The following FBN3 variants were observed in gnomAD, a reference collection of about 807,000 sequenced individuals.
FBN3 encodes fibrillin 3, also known as fibrillin-3.
Under a neutral mutation model 330.1 loss-of-function variants are expected in FBN3, and 234 were observed. That is an observed-to-expected ratio of 0.71 (90% confidence interval 0.64 to 0.79). The LOEUF is 0.79. Among genes scored for constraint, FBN3 ranks in the 30% least tolerant of loss-of-function variants. The probability of loss-of-function intolerance (pLI) is 0.00; values close to 1 mark genes in which losing one functional copy is unlikely to be tolerated. For missense variants in FBN3, 3,606 were observed against 3,886.9 expected (o/e 0.93, Z 1.92); for synonymous variants, 1,458 against 1,517.3 (o/e 0.96, Z 0.91).
intron 18 of FBN3, among the ~76,000 whole-genome samples, chr19:8,127,722 G>A (rs1274171275): frequency 6.6e-6 from 1 of 152,226 alleles, no homozygotes; most frequent in Admixed American, 6.5e-5. Context: ...TGTGGCTTAC[G>A]CCTGTCATCC....
At chr19:8,071,981 T>G in intron 63 of FBN3, 67 bp downstream of exon 63, 1 of 1,493,886 alleles carries the variant, frequency 6.7e-7, no homozygotes, top group Non-Finnish European at 9.0e-7. Flanking sequence ...CTAAGTCGGG[T>G]CCACAGCCTC....
chr19:8,111,677 C>A lies in FBN3; in HGVS notation c.4055G>T (p.Gly1352Val), dbSNP rs2082588122. ...GCAGAAGAAGCCATCCCCGGCAAAG[C>A]CCTGGCGGCAGGTGCAGCGGTAGGA... ...PGSYRCTCRQ[G>V]FAGDGFFCED... Residue 1352 changes from glycine (G) to valine (V), a missense_variant, in exon 32 of 64, where the codon GGC becomes GTC. Transcript: ENST00000600128. 6.2e-7 allele frequency: 1 copy of A among 1,609,726 alleles called. No individual in the cohort carries two copies. Among genetic ancestry groups the A allele is most frequent in the South Asian group, 1.1e-5 (1 of 90,972 alleles).
intron 25 of FBN3, 87 bp from the exon 26 acceptor site, chr19:8,119,109 C>T (rs1026137092): frequency 2.1e-6 from 3 of 1,448,602 alleles, no homozygotes; most frequent in African/African-American, 2.8e-5. Context: ...TTCTCTCCGC[C>T]ACCTCCCCAG....
Position 8,142,132 on chromosome 19 carries a change from G to A in FBN3, c.547C>T (p.Arg183Trp), listed in dbSNP as rs140381246. The change falls in exon 7 of 64, where the codon CGG becomes TGG. Residue 183 changes from arginine (R) to tryptophan (W), a missense_variant. Transcript: ENST00000600128. ...ACTTGGCCAAAGCAGGGTCCCGTCC[G>A]GTAATCTGCAGGGCAGACAGATGTG... Reference protein sequence around the residue: ...FMGPQCERDYRTGPCFGQVGP... With the variant: ...FMGPQCERDYWTGPCFGQVGP... The A allele has an allele frequency of 5.7e-5, 92 of 1,606,748 alleles. 1 individual carries two copies. Among genetic ancestry groups the A allele is most frequent in the African/African-American group, 2.4e-4 (18 of 74,944 alleles).
chr19:8,077,149 G>C (rs1332645504), intron 59 of FBN3, among the ~76,000 whole-genome samples: 1 of 152,224 alleles, frequency 6.6e-6, no homozygotes, highest in Non-Finnish European at 1.5e-5. Flanking sequence ...AAAATGGCCA[G>C]GTTGCTACGA....
Position 8,096,208 on chromosome 19 carries a change from C to A in FBN3, c.5540-128G>T, listed in dbSNP as rs1195505110. On this transcript the variant is annotated intron_variant, in intron 44 of 63. Coordinates refer to ENST00000600128, the MANE Select transcript of FBN3 (RefSeq NM_032447.5). This position sits in a 1 kb window ranked among gnomAD's most constrained non-coding sequence, Gnocchi z 4.6. Reference sequence around the variant, plus strand: ...CCCTGCCTAGATGACTGGGCAGTGACCCCTGGCGGTGATGGCTGGGAAGTA... The same window carrying A: ...CCCTGCCTAGATGACTGGGCAGTGAACCCTGGCGGTGATGGCTGGGAAGTA... The A allele has an allele frequency of 3.4e-6, 3 of 880,402 alleles. No homozygotes were observed. Among genetic ancestry groups the A allele is most frequent in the South Asian group, 1.4e-5 (1 of 69,072 alleles). 54.5% of individuals were successfully genotyped at this position (880,402 alleles called of 1,614,324 possible).
intron 60 of FBN3, 45 bp downstream of exon 60, chr19:8,075,238 A>G (rs766891455): frequency 1.3e-6 from 2 of 1,584,368 alleles, no homozygotes; most frequent in South Asian, 1.1e-5. Flanking sequence ...GGCTCTCAGG[A>G]CCAACACCCC....
intron 59 of FBN3, among the ~76,000 whole-genome samples, chr19:8,078,514 C>T (rs186889244): frequency 1.3e-4 from 20 of 152,066 alleles, no homozygotes; most frequent in Non-Finnish European, 2.5e-4. Context: ...CCTTGCTCCA[C>T]GGATGTTACC....
chr19:8,104,210 A>AT (rs1207301119), intron 38 of FBN3, among the ~76,000 whole-genome samples: 1 of 151,052 alleles, frequency 6.6e-6, no homozygotes, highest in African/African-American at 2.4e-5. Flanking sequence ...GCAGTGGCTC[A>AT]TGCCTATCAT....
chr19:8,110,726 A>C, intron 34 of FBN3, 119 bp downstream of exon 34: 1 of 1,348,162 alleles, frequency 7.4e-7, no homozygotes, highest in South Asian at 1.3e-5. Flanking sequence ...CCCACCCCCC[A>C]GCAAGACTGC....
intron 40 of FBN3, among the ~76,000 whole-genome samples, chr19:8,102,250 T>C (rs2082343639): frequency 6.6e-6 from 1 of 151,864 alleles, no homozygotes; most frequent in Admixed American, 6.6e-5. Flanking sequence ...AGTCTTGCTC[T>C]GTCACCCAGG....
At chr19:8,106,077 C>A (rs2082430939) in intron 38 of FBN3, 31 bp downstream of exon 38, 1 of 1,612,864 alleles carries the variant, frequency 6.2e-7, no homozygotes, top group African/African-American at 1.3e-5. Context: ...GCGGAAGAGC[C>A]TGACCCACCC....
At position 8,084,139 on chromosome 19, in the gene FBN3, C is replaced by A. The variant is rs145387086; in HGVS notation, c.7088-767G>T. Among the ~76,000 whole-genome samples the A allele has an allele frequency of 2.0e-5, 3 of 152,044 alleles. 1 individual carries two copies. Among genetic ancestry groups the A allele is most frequent in the Non-Finnish European group, 4.4e-5 (3 of 67,976 alleles). The stretch of plus-strand genomic sequence containing the variant: ...ATGCCACTGCTGGTCACATGGATAA[C>A]CCATCTCACTATCAGTGACACACTC... On this transcript the variant is annotated intron_variant, in intron 56 of 63. Transcript: ENST00000600128.
chr19:8,136,619 C>A (rs2083287841), intron 10 of FBN3, 88 bp from the exon 11 acceptor site: 1 of 1,551,812 alleles, frequency 6.4e-7, no homozygotes, highest in Non-Finnish European at 8.8e-7. Context: ...GGCCCAGATA[C>A]CCCCTCTAAG....
intron 60 of FBN3, 36 bp downstream of exon 60, chr19:8,075,247 C>A: frequency 2.5e-6 from 4 of 1,592,318 alleles, no homozygotes; most frequent in Non-Finnish European, 2.6e-6. Context: ...GACCAACACC[C>A]CCAAACACTA....
chr19:8,121,382 G>C lies in FBN3; in HGVS notation c.3087C>G (p.Ile1029Met). The C allele has an allele frequency of 6.3e-7, 1 of 1,587,878 alleles. No individual in the cohort carries two copies. Among genetic ancestry groups the C allele is most frequent in the Non-Finnish European group, 8.5e-7 (1 of 1,170,700 alleles). Reference sequence around the variant, plus strand: ...GGTCAGGAGAGATGCGACACTCGTCGATATCTGTGGGGAGAGGGGGCAGAG... The same window carrying C: ...GGTCAGGAGAGATGCGACACTCGTCCATATCTGTGGGGAGAGGGGGCAGAG... ...LDAQERNCTD[I>M]DECRISPDLC... The change falls in exon 25 of 64, where the codon ATC becomes ATG. Residue 1029 changes from isoleucine to methionine, a missense_variant. Transcript: ENST00000600128. This position sits in a 1 kb window ranked among gnomAD's most constrained non-coding sequence, Gnocchi z 4.5.
intron 8 of FBN3, 58 bp downstream of exon 8, chr19:8,141,659 G>T: frequency 6.4e-7 from 1 of 1,553,976 alleles, no homozygotes. Context: ...GGGAGCCTGA[G>T]CCCCCCAGGT....
At chr19:8,101,275 CCACGACGT>C (rs1486582355) in intron 40 of FBN3, among the ~76,000 whole-genome samples, 1 of 152,154 alleles carries the variant, frequency 6.6e-6, no homozygotes, top group Non-Finnish European at 1.5e-5. Flanking sequence ...CAGGCGTGAG[CCACGACGT>C]CTGGTTTTTA....
intron 50 of FBN3, 84 bp downstream of exon 50, chr19:8,089,810 G>A: frequency 6.5e-7 from 1 of 1,531,146 alleles, no homozygotes; most frequent in Non-Finnish European, 8.8e-7. Context: ...CTCAGGGGGA[G>A]CCTGAAACTC....
Sources: allele counts gnomAD v4.1 joint callset (sites outside exome capture counted in the v4.1 genomes callset), GRCh38; gene constraint gnomAD v4.1.1; non-coding constraint Gnocchi (gnomAD v3.1); transcripts MANE v1.5; gene names NCBI Gene and HGNC (gene_info 2026-07-23, HGNC 2026-07-21).